The following NPIPB2 variants were observed in gnomAD, a reference collection of about 807,000 sequenced individuals.
NPIPB2 encodes the protein nuclear pore complex-interacting protein family member B2.
Under a neutral mutation model 30.8 loss-of-function variants are expected in NPIPB2, and 27 were observed. The ratio of observed to expected loss-of-function variants is 0.88; its 90% CI spans 0.65 to 1.21. The LOEUF (loss-of-function observed/expected upper bound fraction) is 1.21, where lower values mean the gene tolerates loss of function less well. Ranked by LOEUF, NPIPB2 falls within the 50% of genes most tolerant of loss-of-function variation. NPIPB2 has a pLI of 0.00. For synonymous variants in NPIPB2, 147 were observed against 162.0 expected, an observed-to-expected ratio of 0.91 and a Z score of 0.70; for missense variants, 440 against 446.2, an observed-to-expected ratio of 0.99 and a Z score of 0.13.
At chr16:11,932,767 C>A (rs1381737764) in intron 4 of NPIPB2, among the ~76,000 whole-genome samples, 1 of 60,768 alleles carries the variant, frequency 1.6e-5, no homozygotes, top group African/African-American at 6.4e-5. Context: ...CAGAGTGAGA[C>A]TCTGTCTCAA....
At chr16:11,976,093 T>G (rs1162024765) in intron 1 of NPIPB2, among the ~76,000 whole-genome samples, 1 of 152,072 alleles carries the variant, frequency 6.6e-6, no homozygotes, top group Non-Finnish European at 1.5e-5. Context: ...CTCCTTCCTC[T>G]GGCCTGCAAG....
rs1023088881 is a variant in NPIPB2 at position 11,965,587 on chromosome 16, A to C, written c.-584+10981T>G. ...ATCAAAAAGAGAAAGGAAGCAAGGC[A>C]GTGATTTTAATGTTTATGGAAACAA... On this transcript the variant is annotated intron_variant, in intron 1 of 5. Coordinates refer to the NPIPB2 transcript ENST00000538896. 5 of 931,658 alleles carry C rather than the reference A, an allele frequency of 5.4e-6. No individual in the cohort carries two copies. The South Asian group carries it at 9.8e-5, about 18-fold the overall frequency. 57.7% of individuals were successfully genotyped at this position (931,658 alleles called of 1,614,324 possible).
At chr16:11,974,709 G>T (rs2055257666) in intron 1 of NPIPB2, among the ~76,000 whole-genome samples, 1 of 152,056 alleles carries the variant, frequency 6.6e-6, no homozygotes, top group African/African-American at 2.4e-5. Flanking sequence ...CGGGGTGTGG[G>T]CAAAACAAGT....
At chr16:11,937,805 T>C (rs943672716) in intron 1 of NPIPB2, 137 bp from the exon 2 acceptor site, 26 of 1,441,364 alleles carry the variant, frequency 1.8e-5, no homozygotes, top group Non-Finnish European at 2.3e-5. Flanking sequence ...GGGATTCCAC[T>C]GTTACAAAAA....
chr16:11,955,353 CA>C (rs34066078), intron 1 of NPIPB2, among the ~76,000 whole-genome samples: 1,002 of 46,624 alleles, frequency 0.021, 18 homozygotes, highest in African/African-American at 0.035. Flanking sequence ...AACTCTGTGT[CA>C]AAAAAAAAAA....
intron 1 of NPIPB2, among the ~76,000 whole-genome samples, chr16:11,960,758 T>G (rs1195464331): frequency 6.6e-6 from 1 of 152,172 alleles, no homozygotes; most frequent in Non-Finnish European, 1.5e-5. Context: ...ATCAATGACC[T>G]GCTTCTTTAG....
At chr16:11,967,369 C>T (rs551854172) in intron 1 of NPIPB2, among the ~76,000 whole-genome samples, 1 of 152,204 alleles carries the variant, frequency 6.6e-6, no homozygotes, top group African/African-American at 2.4e-5. Flanking sequence ...GCTGTAGTCC[C>T]GACTGCTCTG....
At chr16:11,951,391 G>A (rs1208632144) in intron 1 of NPIPB2, among the ~76,000 whole-genome samples, 1 of 136,910 alleles carries the variant, frequency 7.3e-6, no homozygotes, top group South Asian at 2.3e-4. Flanking sequence ...GTGAACCTGG[G>A]AAGCGGAGCT....
At position 11,968,072 on chromosome 16, in the gene NPIPB2, CTAAGT is replaced by C. The variant is rs1596508310; in HGVS notation, c.-584+8491_-584+8495del. 2.4e-5 allele frequency: 12 copies of C among 499,924 alleles called. No homozygotes were observed. In the East Asian group the frequency reaches 4.4e-4, roughly 18 times the overall value. 31.0% of individuals were successfully genotyped at this position (499,924 alleles called of 1,614,324 possible). A position where few individuals can be genotyped will look rare whatever the true frequency, so the allele number is the denominator to read the frequency against. ...ATTAAACTCTTTTTTTTCCTGACAT[CTAAGT>C]TTTTATTAACGTGAGTTTTTAAAAA... On this transcript the variant is annotated intron_variant, in intron 1 of 5. Coordinates refer to the NPIPB2 transcript ENST00000538896.
chr16:11,954,681 T>G (rs868044054), intron 1 of NPIPB2, among the ~76,000 whole-genome samples: 89 of 151,478 alleles, frequency 5.9e-4, no homozygotes, highest in African/African-American at 2.0e-3. Context: ...GCCGAGGCGG[T>G]AGGATCACGA....
At chr16:11,935,539 C>T (rs2054854105) in intron 2 of NPIPB2, among the ~76,000 whole-genome samples, 1 of 152,120 alleles carries the variant, frequency 6.6e-6, no homozygotes. Context: ...GTCTTGAACT[C>T]CTGACCTCAG....
At chr16:11,961,112 T>A (rs1008364551) in intron 1 of NPIPB2, among the ~76,000 whole-genome samples, 2 of 151,492 alleles carry the variant, frequency 1.3e-5, no homozygotes, top group African/African-American at 4.9e-5. Context: ...ATCCACCTGC[T>A]TCAGCCTCCC....
At chr16:11,939,290 G>T (rs1194499660) in intron 1 of NPIPB2, among the ~76,000 whole-genome samples, 1 of 151,742 alleles carries the variant, frequency 6.6e-6, no homozygotes, top group East Asian at 1.9e-4. Flanking sequence ...GGCCGGGCGT[G>T]GTGGCTCACG....
At chr16:11,962,255 C>T (rs888961619) in intron 1 of NPIPB2, among the ~76,000 whole-genome samples, 1 of 148,134 alleles carries the variant, frequency 6.8e-6, no homozygotes, top group African/African-American at 2.5e-5. Flanking sequence ...AATCCCAGCA[C>T]TTTGGGAGGC....
At chr16:11,955,505 C>T (rs188312963) in intron 1 of NPIPB2, among the ~76,000 whole-genome samples, 3 of 151,452 alleles carry the variant, frequency 2.0e-5, no homozygotes, top group East Asian at 1.9e-4. Context: ...GTCAGAAGAT[C>T]GAAACCACCC....
intron 1 of NPIPB2, among the ~76,000 whole-genome samples, chr16:11,952,132 G>A (rs1471850134): frequency 3.5e-4 from 45 of 127,816 alleles, no homozygotes; most frequent in African/African-American, 1.3e-3. Flanking sequence ...CAGCCTGGGC[G>A]ACAGAGTGAG....
chr16:11,969,699 A>C (rs1295492806), intron 1 of NPIPB2, among the ~76,000 whole-genome samples: 2 of 152,236 alleles, frequency 1.3e-5, no homozygotes, highest in East Asian at 3.9e-4. Context: ...ATCAGGCATT[A>C]CTATAATTAC....
At chr16:11,944,204 C>T (rs1173323060), upstream of NPIPB2, among the ~76,000 whole-genome samples, 9 of 147,542 alleles carry the variant, frequency 6.1e-5, no homozygotes, top group Non-Finnish European at 1.3e-4. Context: ...GAGTCTTGCT[C>T]TGTCGCCCAG....
intron 1 of NPIPB2, among the ~76,000 whole-genome samples, chr16:11,953,470 C>A (rs1232874190): frequency 6.6e-6 from 1 of 152,156 alleles, no homozygotes; most frequent in Non-Finnish European, 1.5e-5. Context: ...CCTGCCTCAG[C>A]CTCTCGAGTA....
Sources: gnomAD v4.1 joint callset for allele counts (sites outside exome capture counted in the v4.1 genomes callset) on GRCh38, gnomAD v4.1.1 for gene constraint, MANE v1.5 for transcripts, NCBI Gene and HGNC (gene_info 2026-07-23, HGNC 2026-07-21) for gene names.